Variants in KCNH8 observed in about 807,000 individuals in gnomAD.
KCNH8 encodes voltage-gated delayed rectifier potassium channel KCNH8.
A neutral mutation model predicts 103.6 loss-of-function variants in KCNH8; 70 were observed. The ratio of observed to expected loss-of-function variants is 0.68; its 90% CI spans 0.56 to 0.82. KCNH8 has a LOEUF of 0.82. Ranked by LOEUF, KCNH8 falls within the 40% of genes least tolerant of loss-of-function variation. The pLI is 0.00. For synonymous variants in KCNH8, 498 were observed against 489.4 expected (o/e 1.02, Z -0.23); for missense variants, 1,217 against 1,329.9 (o/e 0.92, Z 1.32).
At chr3:19,303,221 G>T (rs935807328) in intron 3 of KCNH8, among the ~76,000 whole-genome samples, 2 of 152,164 alleles carry the variant, frequency 1.3e-5, no homozygotes, top group African/African-American at 4.8e-5. Context: ...AATGCAGAGT[G>T]AAGTTTATCT....
At chr3:19,400,045 T>G (rs2066587309) in intron 7 of KCNH8, among the ~76,000 whole-genome samples, 1 of 151,606 alleles carries the variant, frequency 6.6e-6, no homozygotes, top group South Asian at 2.1e-4. Context: ...GCACCTCTGA[T>G]TCACAGTGCC....
At chr3:19,402,656 G>A (rs1056433880) in intron 7 of KCNH8, among the ~76,000 whole-genome samples, 5 of 151,864 alleles carry the variant, frequency 3.3e-5, no homozygotes, top group South Asian at 2.1e-4. Flanking sequence ...TGTTCTCCAC[G>A]ATACTGATCC....
intron 1 of KCNH8, among the ~76,000 whole-genome samples, chr3:19,241,412 G>A (rs1306344675): frequency 6.6e-6 from 1 of 152,038 alleles, no homozygotes; most frequent in Non-Finnish European, 1.5e-5. Flanking sequence ...TTTATTGATT[G>A]AATTGAAACC....
chr3:19,354,069 A>C (rs1306944069), intron 5 of KCNH8, among the ~76,000 whole-genome samples: 1 of 152,212 alleles, frequency 6.6e-6, no homozygotes, highest in Non-Finnish European at 1.5e-5. Context: ...CAAAAATCAC[A>C]AGCATTCCTA....
In KCNH8 at chr3:19,450,182, C is replaced by T; in HGVS notation, c.1452C>T (p.His484=). The T allele has an allele frequency of 4.3e-6, 7 of 1,613,542 alleles. No homozygotes were observed. Among genetic ancestry groups the T allele is most frequent in the Non-Finnish European group, 5.9e-6 (7 of 1,179,620 alleles). Residue 484 remains histidine (H), a synonymous_variant, in exon 9 of 16, where the codon CAC becomes CAT. Coordinates refer to ENST00000328405, the MANE Select transcript of KCNH8 (RefSeq NM_144633.3). Reference sequence around the variant, plus strand: ...TGTACTCCAGATGGTCCCTCTATCACACTAGAACTAAGGATCTGAAAGATT... The same window carrying T: ...TGTACTCCAGATGGTCCCTCTATCATACTAGAACTAAGGATCTGAAAGATT... ...QRMYSRWSLY[H]TRTKDLKDFI... is the part of the protein sequence containing the mutation.
Position 19,185,414 on chromosome 3 carries a change from G to A in KCNH8, c.76+36619G>A, listed in dbSNP as rs189683916. On this transcript the variant is annotated intron_variant, in intron 1 of 15. Coordinates refer to ENST00000328405, the MANE Select transcript of KCNH8 (RefSeq NM_144633.3). ...TTCATGTTCTTATTAGCTATTTGAT[G>A]TCTTCTTTGATGAAATGTTTATCCA... Among the ~76,000 whole-genome samples, 1,274 of 151,912 alleles carry A rather than the reference G, an allele frequency of 8.4e-3. 7 individuals carry two copies. The highest frequency in any genetic ancestry group is 9.5e-3 in the Non-Finnish European group (646 of 67,738).
Position 19,513,019 on chromosome 3 carries a change from TGGAAGATGA to T in KCNH8, c.2136_2144del (p.Asp712_Glu714del), listed in dbSNP as rs762533956. ...ATCAACAAGCGACTCCCATCCATTGTGGAAGATGAGGAAGAGGAGGAGGAGGGGGAGGAA... is the reference window on the plus strand; with the variant it reads ...ATCAACAAGCGACTCCCATCCATTGTGGAAGAGGAGGAGGAGGGGGAGGAA... On this transcript the variant is annotated inframe_deletion, in exon 13 of 16. Transcript: ENST00000328405. The T allele has an allele frequency of 8.1e-6, 13 of 1,613,504 alleles. No homozygotes were observed. Among genetic ancestry groups the T allele is most frequent in the South Asian group, 1.1e-5 (1 of 91,054 alleles).
intron 11 of KCNH8, among the ~76,000 whole-genome samples, chr3:19,484,888 G>A (rs2068172227): frequency 6.6e-6 from 1 of 152,134 alleles, no homozygotes; most frequent in Non-Finnish European, 1.5e-5. Flanking sequence ...AGTCTCTGTA[G>A]TATAGGAGGA....
chr3:19,362,310 G>A (rs895996065), intron 5 of KCNH8, among the ~76,000 whole-genome samples: 1 of 151,998 alleles, frequency 6.6e-6, no homozygotes, highest in African/African-American at 2.4e-5. Flanking sequence ...TAAACATTGT[G>A]AGGATGTGAC....
intron 1 of KCNH8, among the ~76,000 whole-genome samples, chr3:19,170,653 CATAT>C (rs1260388959): frequency 1.4e-5 from 2 of 138,002 alleles, no homozygotes; most frequent in Non-Finnish European, 3.0e-5. Flanking sequence ...TATACACACA[CATAT>C]ATACACACAT....
At chr3:19,160,767 A>G (rs963718253) in intron 1 of KCNH8, among the ~76,000 whole-genome samples, 1 of 152,100 alleles carries the variant, frequency 6.6e-6, no homozygotes, top group Non-Finnish European at 1.5e-5. Flanking sequence ...GATGTGAACT[A>G]TCTCTTTATT....
intron 1 of KCNH8, among the ~76,000 whole-genome samples, chr3:19,236,177 C>A (rs2064062304): frequency 6.6e-6 from 1 of 152,116 alleles, no homozygotes; most frequent in Admixed American, 6.6e-5. Flanking sequence ...GTGCAGAATA[C>A]CAGGGCTGAA....
intron 5 of KCNH8, among the ~76,000 whole-genome samples, chr3:19,379,986 C>A (rs900687303): frequency 4.6e-5 from 7 of 152,088 alleles, no homozygotes; most frequent in African/African-American, 1.7e-4. Context: ...ATGAGTAGAT[C>A]ATTTCTAACA....
chr3:19,481,564 T>C (rs2068087122), intron 11 of KCNH8, among the ~76,000 whole-genome samples: 1 of 152,164 alleles, frequency 6.6e-6, no homozygotes, highest in Admixed American at 6.5e-5. Context: ...ACAAGAAAAT[T>C]GGGGTCAATA....
chr3:19,306,298 A>G (rs1233080856), intron 3 of KCNH8, among the ~76,000 whole-genome samples: 1 of 152,082 alleles, frequency 6.6e-6, no homozygotes, highest in African/African-American at 2.4e-5. Context: ...TACAAATAAT[A>G]TGTCTCCTTT....
intron 10 of KCNH8, among the ~76,000 whole-genome samples, chr3:19,453,201 A>G (rs989227675): frequency 1.3e-5 from 2 of 152,142 alleles, no homozygotes; most frequent in African/African-American, 4.8e-5. Flanking sequence ...GACCAGGAAA[A>G]GTGGAAGACT....
At chr3:19,402,562 A>G (rs1294019945) in intron 7 of KCNH8, among the ~76,000 whole-genome samples, 2 of 151,928 alleles carry the variant, frequency 1.3e-5, no homozygotes, top group Admixed American at 6.6e-5. Flanking sequence ...ACACATATAC[A>G]TACATGTGTA....
intron 1 of KCNH8, among the ~76,000 whole-genome samples, chr3:19,176,051 G>T (rs2063396870): frequency 6.6e-6 from 1 of 152,144 alleles, no homozygotes; most frequent in Non-Finnish European, 1.5e-5. Flanking sequence ...TATGATGCCA[G>T]TACTGTCTCT....
At position 19,251,749 on chromosome 3, in the gene KCNH8, G is replaced by T. The variant is rs191119014; in HGVS notation, c.77-1905G>T. ...AAGCATGTGGGATAAAATTCAAAAGGTATAGTAGGGTATATGGGAAAAATA... is the reference window on the plus strand; with the variant it reads ...AAGCATGTGGGATAAAATTCAAAAGTTATAGTAGGGTATATGGGAAAAATA... On this transcript the variant is annotated intron_variant, in intron 1 of 15. Transcript: ENST00000328405. 3.2e-4 allele frequency among the ~76,000 whole-genome samples: 48 copies of T among 152,164 alleles called. 1 individual carries two copies. The highest frequency in any genetic ancestry group is 2.2e-3 in the Admixed American group (34 of 15,282).
Sources: allele counts gnomAD v4.1 joint callset (sites outside exome capture counted in the v4.1 genomes callset), GRCh38; gene constraint gnomAD v4.1.1; transcripts MANE v1.5; gene names NCBI Gene and HGNC (gene_info 2026-07-23, HGNC 2026-07-21).